Variants in DMXL2 observed in about 807,000 individuals in gnomAD.
DMXL2 encodes Dmx like 2.
In DMXL2, 103 loss-of-function variants were observed where a neutral mutation model predicts 331.1. The observed-to-expected ratio is 0.31, with a 90% CI of 0.27 to 0.37. The LOEUF is 0.37. Among genes scored for constraint, DMXL2 ranks in the 10% least tolerant of loss-of-function variants. The pLI, the probability that DMXL2 is intolerant of heterozygous loss-of-function variation, is 1.00. For synonymous variants in DMXL2, 1,281 were observed against 1,252.1 expected, an observed-to-expected ratio of 1.02 and a Z score of -0.49; for missense variants, 3,171 against 3,642.9, an observed-to-expected ratio of 0.87 and a Z score of 3.33.
intron 20 of DMXL2, among the ~76,000 whole-genome samples, chr15:51,489,755 T>C (rs1257682281): frequency 6.6e-6 from 1 of 152,222 alleles, no homozygotes; most frequent in East Asian, 1.9e-4. Flanking sequence ...GTCTGCCCCC[T>C]ATCATTTAAC....
At chr15:51,604,332 AAAG>A (rs1356038897) in intron 1 of DMXL2, among the ~76,000 whole-genome samples, 2 of 151,504 alleles carry the variant, frequency 1.3e-5, no homozygotes, top group African/African-American at 4.8e-5. Flanking sequence ...ATACATTGGA[AAAG>A]AAGAATTCAA....
intron 1 of DMXL2, among the ~76,000 whole-genome samples, chr15:51,616,173 C>T (rs941942080): frequency 6.6e-6 from 1 of 152,158 alleles, no homozygotes; most frequent in African/African-American, 2.4e-5. Flanking sequence ...CCTAAAATCA[C>T]TCCCACCAAA....
intron 1 of DMXL2, among the ~76,000 whole-genome samples, chr15:51,614,062 T>C (rs2054137410): frequency 6.6e-6 from 1 of 152,082 alleles, no homozygotes; most frequent in Admixed American, 6.6e-5. Flanking sequence ...CAAGAGGTAA[T>C]ATAAGGTTAA....
In DMXL2 at chr15:51,466,204, G is replaced by T. The variant is rs765432880; in HGVS notation, c.7500C>A (p.His2500Gln). 7.7e-6 allele frequency: 12 copies of T among 1,564,132 alleles called. No individual in the cohort carries two copies. The highest frequency in any genetic ancestry group is 1.2e-5 in the South Asian group (1 of 80,064). Reference protein sequence around the residue: ...AFFSDTQIQEHQDPNSYSWAL... With the variant: ...AFFSDTQIQEQQDPNSYSWAL... ...TTTACCTATAGGAATTTGGATCTTG[G>T]TGCTCCTGTATTTGTGTATCTGAAA... Residue 2500 changes from histidine to glutamine, a missense_variant, in exon 30 of 44, where the codon CAC (histidine) becomes CAA (glutamine). Physicochemically the swap from His to Gln is conservative, Grantham distance 24. This residue lies in a region of DMXL2 where 766 missense variants were observed against 940.5 expected (regional missense o/e 0.81). Transcript: ENST00000560891.
rs1456234611 is a variant in DMXL2, at chr15:51,450,279, C to G, written c.8817G>C (p.Ser2939=). The change falls in exon 43 of 44, where the codon TCG becomes TCC. Residue 2939 remains serine, a synonymous_variant. Transcript: ENST00000560891. ...TGCAGACGTGTCCTTTCCTACCCCC[C>G]GAGATTAGGAGTTGCTGTTTGGGTG... ...QYAPKQQLLI[S]GGRKGHVCIF... 1 of 1,613,892 alleles carries G rather than the reference C, an allele frequency of 6.2e-7. No homozygotes were observed. The highest frequency in any genetic ancestry group is 8.5e-7 in the Non-Finnish European group (1 of 1,180,008).
chr15:51,513,094 A>C (rs67524810), intron 15 of DMXL2, among the ~76,000 whole-genome samples: 68,868 of 151,966 alleles, frequency 0.45, 16,048 homozygotes, highest in Non-Finnish European at 0.5. Context: ...ATTTCACACA[A>C]AAACTAAAGG....
At chr15:51,564,543 TA>T (rs1179078294) in intron 4 of DMXL2, among the ~76,000 whole-genome samples, 1 of 152,024 alleles carries the variant, frequency 6.6e-6, no homozygotes, top group African/African-American at 2.4e-5. Flanking sequence ...ACAAATGTAT[TA>T]ATAGAATAAC....
Position 51,536,244 on chromosome 15 carries a change from C to A in DMXL2, c.2236G>T (p.Ala746Ser). The change falls in exon 12 of 44, where the codon GCT becomes TCT. Residue 746 changes from alanine (A) to serine (S), a missense_variant. Coordinates refer to ENST00000560891, the MANE Select transcript of DMXL2 (RefSeq NM_001378457.1). The part of the protein sequence containing the change: ...LSYTGGVSEL[A>S]RINSLHTSAF... ...GAGGTATGTAAAGAGTTAATTCGAG[C>A]CAATTCTGATACTCCTCCAGTGTAT... The A allele has an allele frequency of 6.2e-7, 1 of 1,613,722 alleles. No individual in the cohort carries two copies. Among genetic ancestry groups the A allele is most frequent in the Admixed American group, 1.7e-5 (1 of 59,952 alleles).
intron 1 of DMXL2, among the ~76,000 whole-genome samples, chr15:51,589,160 C>A (rs1210342539): frequency 6.6e-6 from 1 of 152,078 alleles, no homozygotes. Flanking sequence ...GAAATTTAAA[C>A]CAAAAGACCC....
chr15:51,481,487 A>G lies in DMXL2; in HGVS notation c.5619T>C (p.Phe1873=), dbSNP rs2042005194. ...TTTCTATGAGGTTAATTTTATCAAC[A>G]AAGTTCTTCTCAGTTTTGAGACCTA... ...ATLGLKTEKN[F]VDKINLIERK... is the part of the protein sequence containing the mutation. Residue 1873 remains phenylalanine (F), a synonymous_variant, in exon 24 of 44, where the codon TTT becomes TTC. Coordinates refer to ENST00000560891, the MANE Select transcript of DMXL2 (RefSeq NM_001378457.1). The G allele has an allele frequency of 6.2e-7, 1 of 1,613,484 alleles. No homozygotes were observed. Among genetic ancestry groups the G allele is most frequent in the Admixed American group, 1.7e-5 (1 of 59,798 alleles).
chr15:51,482,223 T>G (rs2042065365), intron 23 of DMXL2, among the ~76,000 whole-genome samples: 3 of 152,140 alleles, frequency 2.0e-5, no homozygotes, highest in African/African-American at 7.2e-5. Context: ...TAAAAACAAG[T>G]AATTTGACTG....
intron 1 of DMXL2, among the ~76,000 whole-genome samples, chr15:51,617,090 C>G (rs1480804309): frequency 6.6e-6 from 1 of 152,062 alleles, no homozygotes; most frequent in African/African-American, 2.4e-5. Flanking sequence ...TCTACTGTGC[C>G]ATTATGGTTG....
intron 14 of DMXL2, among the ~76,000 whole-genome samples, chr15:51,516,111 C>T (rs1200317817): frequency 1.3e-5 from 2 of 152,166 alleles, no homozygotes; most frequent in Admixed American, 1.3e-4. Context: ...TCTATACTTG[C>T]TTTCAACTAT....
chr15:51,466,073 C>A, intron 30 of DMXL2, 111 bp downstream of exon 30: 1 of 950,588 alleles, frequency 1.1e-6, no homozygotes, highest in Non-Finnish European at 1.5e-6. Flanking sequence ...AAACATAAGT[C>A]ATTTCTTATA....
intron 18 of DMXL2, among the ~76,000 whole-genome samples, chr15:51,498,047 A>C (rs1283057375): frequency 9.2e-5 from 14 of 152,194 alleles, no homozygotes; most frequent in African/African-American, 3.4e-4. Flanking sequence ...AGCTGGGGCA[A>C]CATAAGGAGA....
At chr15:51,483,595 C>A (rs1005722239) in intron 23 of DMXL2, among the ~76,000 whole-genome samples, 3 of 152,214 alleles carry the variant, frequency 2.0e-5, no homozygotes, top group Admixed American at 6.5e-5. Context: ...GCTGATATGC[C>A]CCCAGGCCAG....
chr15:51,535,887 C>CA, intron 12 of DMXL2, 103 bp from the exon 13 acceptor site: 1 of 1,335,882 alleles, frequency 7.5e-7, no homozygotes, highest in Non-Finnish European at 1.0e-6. Context: ...TAGGCTTAAC[C>CA]ATGGTCTAGA....
At chr15:51,477,542 C>T (rs1230498533) in intron 26 of DMXL2, among the ~76,000 whole-genome samples, 2 of 152,002 alleles carry the variant, frequency 1.3e-5, no homozygotes, top group Admixed American at 6.6e-5. Flanking sequence ...TAATTCTTTA[C>T]TTGATACCAA....
At chr15:51,578,595 T>C (rs1189040319) in intron 1 of DMXL2, among the ~76,000 whole-genome samples, 1 of 152,220 alleles carries the variant, frequency 6.6e-6, no homozygotes, top group Non-Finnish European at 1.5e-5. Context: ...TAAAATAATT[T>C]GGCAATATCT....
Sources: allele counts gnomAD v4.1 joint callset (sites outside exome capture counted in the v4.1 genomes callset), GRCh38; gene constraint gnomAD v4.1.1; regional missense constraint gnomAD v4.1.1; transcripts MANE v1.5; gene names NCBI Gene and HGNC (gene_info 2026-07-23, HGNC 2026-07-21).